MAML2: variants seen among roughly 807,000 people sequenced by gnomAD.
MAML2 encodes mastermind like transcriptional coactivator 2.
In MAML2, 22 loss-of-function variants were observed where a neutral mutation model predicts 96.1. That is an observed-to-expected ratio of 0.23 (90% CI 0.16 to 0.33). The LOEUF is 0.33. Among genes scored for constraint, MAML2 ranks in the 10% least tolerant of loss-of-function variants. MAML2 has a pLI of 1.00. For synonymous variants in MAML2, 561 were observed against 521.3 expected (o/e 1.08, Z -1.04); for missense variants, 1,367 against 1,392.4 (o/e 0.98, Z 0.29).
intron 1 of MAML2, among the ~76,000 whole-genome samples, chr11:96,154,678 TA>T (rs1860982134): frequency 6.6e-6 from 1 of 152,054 alleles, no homozygotes; most frequent in South Asian, 2.1e-4. Context: ...GCACTGTGAA[TA>T]AAAAGATGGA....
chr11:96,302,801 T>C (rs116345275), intron 1 of MAML2, among the ~76,000 whole-genome samples: 2,223 of 152,316 alleles, frequency 0.015, 61 homozygotes, highest in African/African-American at 0.05. Context: ...ACATACCATC[T>C]TAGCACATCT....
At chr11:95,980,461 T>C (rs1256095521) in intron 4 of MAML2, among the ~76,000 whole-genome samples, 2 of 152,096 alleles carry the variant, frequency 1.3e-5, no homozygotes, top group African/African-American at 4.8e-5. Context: ...ATCATCCCCA[T>C]TCAAGAAGCT....
chr11:96,110,026 T>C (rs952982928), intron 1 of MAML2, among the ~76,000 whole-genome samples: 2 of 151,928 alleles, frequency 1.3e-5, no homozygotes, highest in Non-Finnish European at 2.9e-5. Flanking sequence ...AGCTGAACGA[T>C]TATGAAAAAA....
At chr11:96,078,351 CATAG>C (rs1448388954) in intron 2 of MAML2, among the ~76,000 whole-genome samples, 9 of 152,286 alleles carry the variant, frequency 5.9e-5, no homozygotes, top group African/African-American at 2.2e-4. Flanking sequence ...ATAGTTCAAT[CATAG>C]ATAGTTCAAT....
At chr11:96,070,045 A>G (rs907246010) in intron 2 of MAML2, among the ~76,000 whole-genome samples, 2 of 151,332 alleles carry the variant, frequency 1.3e-5, no homozygotes, top group Non-Finnish European at 2.9e-5. Context: ...ATAAATAAAT[A>G]AATAAGGAGG....
At chr11:96,093,631 T>C in intron 1 of MAML2, 114 bp from the exon 2 acceptor site, 1 of 825,540 alleles carries the variant, frequency 1.2e-6, no homozygotes, top group Non-Finnish European at 1.9e-6. Flanking sequence ...CAAGATTCAG[T>C]TTTTTAAAAA....
At chr11:96,169,659 C>CTT (rs5793784) in intron 1 of MAML2, among the ~76,000 whole-genome samples, 62,438 of 144,834 alleles carry the variant, frequency 0.43, 14,002 homozygotes, top group South Asian at 0.52. Flanking sequence ...AGAAAGTAAA[C>CTT]TTTTTTTTTT....
chr11:96,050,933 T>G (rs1250348587), intron 2 of MAML2, among the ~76,000 whole-genome samples: 1 of 152,236 alleles, frequency 6.6e-6, no homozygotes, highest in Non-Finnish European at 1.5e-5. Flanking sequence ...CAAGCTATAG[T>G]TCTGATCCTA....
intron 1 of MAML2, among the ~76,000 whole-genome samples, chr11:96,322,742 A>G (rs919424147): frequency 3.9e-5 from 6 of 152,228 alleles, no homozygotes; most frequent in Non-Finnish European, 8.8e-5. Context: ...AATAGATAAC[A>G]AAAGTCCAAC....
intron 1 of MAML2, among the ~76,000 whole-genome samples, chr11:96,152,855 C>G (rs906219534): frequency 1.3e-5 from 2 of 152,178 alleles, no homozygotes; most frequent in Non-Finnish European, 2.9e-5. Flanking sequence ...AATGACAAGC[C>G]CTCAAGACAA....
At chr11:96,000,524 T>C (rs750250066) in intron 2 of MAML2, among the ~76,000 whole-genome samples, 1 of 152,214 alleles carries the variant, frequency 6.6e-6, no homozygotes. Flanking sequence ...ATTGGACAAA[T>C]AATGTGAGAT....
chr11:96,070,814 C>G (rs1388373854), intron 2 of MAML2, among the ~76,000 whole-genome samples: 1 of 152,286 alleles, frequency 6.6e-6, no homozygotes, highest in Non-Finnish European at 1.5e-5. Context: ...AAAGGCCACA[C>G]CTCAAGGATC....
intron 1 of MAML2, among the ~76,000 whole-genome samples, chr11:96,282,538 T>A (rs1863086943): frequency 6.6e-6 from 1 of 152,198 alleles, no homozygotes. Context: ...TAGTTTTATC[T>A]TGAAGCTGTT....
chr11:96,309,915 C>A (rs949334575), intron 1 of MAML2, among the ~76,000 whole-genome samples: 1 of 151,896 alleles, frequency 6.6e-6, no homozygotes, highest in Non-Finnish European at 1.5e-5. Flanking sequence ...GTTGACTAGG[C>A]CGGTCTTAAA....
Position 95,979,937 on chromosome 11 carries a change from A to G in MAML2, c.2482T>C (p.Ser828Pro). ...SGGSSTISLN[S>P]NQALANPVST... ...ACTGGGTTTGCCAAAGCCTGGTTAG[A>G]GTTTAAGCTTATTGTGGATGAGCCA... Residue 828 changes from serine to proline, a missense_variant, in exon 5 of 5, where the codon TCT becomes CCT. By Grantham distance (74) the Ser-to-Pro change is moderately conservative. Coordinates refer to ENST00000524717, the MANE Select transcript of MAML2 (RefSeq NM_032427.4). The G allele has an allele frequency of 1.2e-6, 2 of 1,613,406 alleles. No individual in the cohort carries two copies. The highest frequency in any genetic ancestry group is 1.7e-6 in the Non-Finnish European group (2 of 1,179,630).
chr11:96,216,272 T>C (rs1862049040), intron 1 of MAML2, among the ~76,000 whole-genome samples: 1 of 152,194 alleles, frequency 6.6e-6, no homozygotes, highest in African/African-American at 2.4e-5. Context: ...CATTCATACT[T>C]GGCCTTTTCT....
chr11:96,155,539 T>TATATTTGAATTGAATTTCCTC (rs1565231499), intron 1 of MAML2, among the ~76,000 whole-genome samples: 1 of 97,926 alleles, frequency 1.0e-5, no homozygotes, highest in Non-Finnish European at 2.2e-5. Flanking sequence ...TATATATATA[T>TATATTTGAATTGAATTTCCTC]ATATATATAT....
At chr11:96,041,599 T>C (rs1033559321) in intron 2 of MAML2, among the ~76,000 whole-genome samples, 3 of 152,138 alleles carry the variant, frequency 2.0e-5, no homozygotes, top group Non-Finnish European at 2.9e-5. Context: ...GAAGAGTCTA[T>C]GGAGGTGATC....
rs367908912 is a variant in MAML2 at position 96,021,718 on chromosome 11, C to T, written c.2140-29995G>A. On this transcript the variant is annotated intron_variant, in intron 2 of 4. Transcript: ENST00000524717. ...GATGGGCAGAACCCCTTTCCCCCAT[C>T]GTGCACGTACAGTGTAAGAAAGAAA... Among the ~76,000 whole-genome samples, 25 of 152,342 alleles carry T rather than the reference C, an allele frequency of 1.6e-4. No homozygotes were observed. The East Asian group carries it at 2.5e-3, about 15-fold the overall frequency.
Sources: allele counts gnomAD v4.1 joint callset (sites outside exome capture counted in the v4.1 genomes callset), GRCh38; gene constraint gnomAD v4.1.1; transcripts MANE v1.5; gene names NCBI Gene and HGNC (gene_info 2026-07-23, HGNC 2026-07-21).